Variants in KLK3 observed in about 807,000 individuals in gnomAD.
KLK3 encodes the protein kallikrein related peptidase 3.
A neutral mutation model predicts 27.7 loss-of-function variants in KLK3; 23 were observed. The ratio of observed to expected loss-of-function variants is 0.83; its 90% CI spans 0.60 to 1.17. The LOEUF (loss-of-function observed/expected upper bound fraction) is 1.17. Ranked by LOEUF, KLK3 falls within the 50% of genes most tolerant of loss-of-function variation. The pLI is 0.00. For missense variants in KLK3, 322 were observed against 338.1 expected (o/e 0.95, Z 0.37); for synonymous variants, 142 against 134.2 (o/e 1.06, Z -0.40).
Position 50,860,019 on chromosome 19 carries a change from C to T in KLK3, c.678C>T (p.Ile226=), listed in dbSNP as rs996250309. 7 of 1,614,078 alleles carry T rather than the reference C, an allele frequency of 4.3e-6. No individual in the cohort carries two copies. Among genetic ancestry groups the T allele is most frequent in the Non-Finnish European group, 5.9e-6 (7 of 1,179,960 alleles). The change falls in exon 5 of 5, where the codon ATC becomes ATT. Residue 226 remains isoleucine (I), a synonymous_variant. Transcript: ENST00000326003. ...PLVCNGVLQG[I]TSWGSEPCAL... is the part of the protein sequence containing the mutation. The stretch of plus-strand genomic sequence containing the variant: ...TCTGTAATGGTGTGCTTCAAGGTAT[C>T]ACGTCATGGGGCAGTGAACCATGTG...
At chr19:50,858,734 T>A (rs905581891) in intron 4 of KLK3, 139 bp downstream of exon 4, 4 of 875,656 alleles carry the variant, frequency 4.6e-6, no homozygotes, top group Non-Finnish European at 7.1e-6. Context: ...GTGTCTCATC[T>A]CATTCCCTCC....
At position 50,860,402 on chromosome 19, in the gene KLK3, G is replaced by A; in HGVS notation, c.*275G>A. On this transcript the variant is annotated 3_prime_UTR_variant, in exon 5 of 5. Transcript: ENST00000326003. The stretch of plus-strand genomic sequence containing the variant: ...AGGATGGGGTGTCTGTGTTATTTGT[G>A]GGGTACAGAGATGAAAGAGGGGTGG... The A allele has an allele frequency of 3.0e-6, 1 of 335,620 alleles. No individual in the cohort carries two copies. The highest frequency in any genetic ancestry group is 5.5e-6 in the Non-Finnish European group (1 of 181,806). 20.8% of individuals were successfully genotyped at this position (335,620 alleles called of 1,614,324 possible).
At chr19:50,855,172 C>T (rs770226050) in intron 1 of KLK3, 171 bp downstream of exon 1, 202 of 642,434 alleles carry the variant, frequency 3.1e-4, no homozygotes, top group Admixed American at 3.4e-4. Context: ...CATATTGCAA[C>T]AGTCCTCACT....
Position 50,860,152 on chromosome 19 carries a change from A to G in KLK3, c.*25A>G, listed in dbSNP as rs373134993. Reference sequence around the variant, plus strand: ...AGCACCCCTATCAACCCCCTATTGTAGTAAACTTGGAACCTTGGAAATGAC... The same window carrying G: ...AGCACCCCTATCAACCCCCTATTGTGGTAAACTTGGAACCTTGGAAATGAC... On this transcript the variant is annotated 3_prime_UTR_variant, in exon 5 of 5. Coordinates refer to ENST00000326003, the MANE Select transcript of KLK3 (RefSeq NM_001648.2). 63 of 1,564,068 alleles carry G rather than the reference A, an allele frequency of 4.0e-5. No homozygotes were observed. The highest frequency in any genetic ancestry group is 3.2e-5 in the Non-Finnish European group (36 of 1,137,870).
chr19:50,857,810 T>C, intron 2 of KLK3: 1 of 551,682 alleles, frequency 1.8e-6, no homozygotes, highest in Non-Finnish European at 3.2e-6. Context: ...TCTTCCTTTT[T>C]CCCTTGGTTT....
intron 1 of KLK3, 33 bp downstream of exon 1, chr19:50,855,034 G>C (rs761111846): frequency 2.5e-6 from 4 of 1,610,154 alleles, no homozygotes; most frequent in Non-Finnish European, 3.4e-6. Context: ...GGATGCAGGA[G>C]AGGGAGCCAG....
At chr19:50,859,670 C>T in intron 4 of KLK3, 3 of 1,603,406 alleles carry the variant, frequency 1.9e-6, no homozygotes, top group Non-Finnish European at 2.6e-6. Context: ...GGACAGCATC[C>T]TGCAGATGGT....
In KLK3 at chr19:50,858,286, C is replaced by T; in HGVS notation, c.464C>T (p.Ser155Leu). 1.2e-6 allele frequency: 2 copies of T among 1,613,944 alleles called. No homozygotes were observed. The highest frequency in any genetic ancestry group is 1.7e-6 in the Non-Finnish European group (2 of 1,179,944). Reference protein sequence around the residue: ...EPALGTTCYASGWGSIEPEEF... With the variant: ...EPALGTTCYALGWGSIEPEEF... Reference sequence around the variant, plus strand: ...GCACTGGGGACCACCTGCTACGCCTCAGGCTGGGGCAGCATTGAACCAGAG... The same window carrying T: ...GCACTGGGGACCACCTGCTACGCCTTAGGCTGGGGCAGCATTGAACCAGAG... The change falls in exon 3 of 5, where the codon TCA (serine) becomes TTA (leucine). Residue 155 changes from serine (S) to leucine (L), a missense_variant. Ser to Leu is a moderately radical substitution (Grantham distance 145). Transcript: ENST00000326003.
chr19:50,856,454 A>G, intron 2 of KLK3, 55 bp downstream of exon 2: 3 of 1,578,572 alleles, frequency 1.9e-6, no homozygotes, highest in Non-Finnish European at 2.6e-6. Context: ...GAGGAATAAC[A>G]GCTGGGCATT....
chr19:50,859,833 C>T (rs1045717191), intron 4 of KLK3, 139 bp from the exon 5 acceptor site: 45 of 1,487,526 alleles, frequency 3.0e-5, no homozygotes, highest in East Asian at 9.3e-5. Context: ...TTCTGGAAGT[C>T]GGCTCTGGAG....
chr19:50,855,616 C>T (rs1204926316), intron 1 of KLK3: 1 of 153,290 alleles, frequency 6.5e-6, no homozygotes, highest in African/African-American at 2.4e-5. Context: ...CCAGACTCTT[C>T]ATTCAGTGGC....
At position 50,856,246 on chromosome 19, in the gene KLK3, C is replaced by T. The variant is rs750316227; in HGVS notation, c.53C>T (p.Ala18Val). 6 of 1,611,792 alleles carry T rather than the reference C, an allele frequency of 3.7e-6. No individual in the cohort carries two copies. The highest frequency in any genetic ancestry group is 2.0e-4 in the Middle Eastern group (1 of 4,904). The change falls in exon 2 of 5, where the codon GCA (alanine) becomes GTA (valine). Residue 18 changes from alanine (A) to valine (V), a missense_variant. Ala to Val is a moderately conservative substitution (Grantham distance 64). Transcript: ENST00000326003. ...LTLSVTWIGA[A>V]PLILSRIVGG... ...TCTAGCACCCCCTCTGCAGGTGCTG[C>T]ACCCCTCATCCTGTCTCGGATTGTG...
In KLK3 at chr19:50,858,513, T is replaced by C. The variant is rs1436167600; in HGVS notation, c.548T>C (p.Val183Ala). ...CVDLHVISND[V>A]CAQVHPQKVT... ...GACCTCCATGTTATTTCCAATGACG[T>C]GTGTGCGCAAGTTCACCCTCAGAAG... The change falls in exon 4 of 5, where the codon GTG (valine) becomes GCG (alanine). Residue 183 changes from valine (V) to alanine (A), a missense_variant. Transcript: ENST00000326003. The C allele has an allele frequency of 1.9e-6, 3 of 1,614,078 alleles. No individual in the cohort carries two copies. Among genetic ancestry groups the C allele is most frequent in the East Asian group, 2.2e-5 (1 of 44,900 alleles).
chr19:50,856,470 C>T (rs2090148307), intron 2 of KLK3, 71 bp downstream of exon 2: 1 of 1,554,550 alleles, frequency 6.4e-7, no homozygotes, highest in Non-Finnish European at 8.7e-7. Flanking sequence ...GCATTTTCCC[C>T]AGGATAACCT....
intron 4 of KLK3, chr19:50,859,406 T>G (rs1599995609): frequency 5.7e-6 from 4 of 701,020 alleles, no homozygotes; most frequent in South Asian, 3.3e-5. Context: ...GTGGAGGGAG[T>G]GATGATGGGG....
At position 50,858,151 on chromosome 19, in the gene KLK3, T is replaced by A; in HGVS notation, c.329T>A (p.Phe110Tyr). 1 of 1,614,140 alleles carries A rather than the reference T, an allele frequency of 6.2e-7. No individual in the cohort carries two copies. Among genetic ancestry groups the A allele is most frequent in the Non-Finnish European group, 8.5e-7 (1 of 1,180,004 alleles). The change falls in exon 3 of 5, where the codon TTC (phenylalanine) becomes TAC (tyrosine). Residue 110 changes from phenylalanine (F) to tyrosine (Y), a missense_variant. By Grantham distance (22) the Phe-to-Tyr change is conservative (BLOSUM62 3). Transcript: ENST00000326003. ...GATATGAGCCTCCTGAAGAATCGAT[T>A]CCTCAGGCCAGGTGATGACTCCAGC... is the stretch of plus-strand genomic sequence containing the variant. Reference protein sequence around the residue: ...LYDMSLLKNRFLRPGDDSSHD... With the variant: ...LYDMSLLKNRYLRPGDDSSHD...
intron 4 of KLK3, 163 bp from the exon 5 acceptor site, chr19:50,859,809 C>A (rs574525519): frequency 4.8e-6 from 7 of 1,469,490 alleles, no homozygotes; most frequent in Middle Eastern, 2.5e-4. Flanking sequence ...CTGTTGGAAT[C>A]CCTGCCCACC....
Position 50,860,134 on chromosome 19 carries a change from C to T in KLK3, c.*7C>T, listed in dbSNP as rs2090176067. The T allele has an allele frequency of 6.2e-7, 1 of 1,601,946 alleles. No homozygotes were observed. ...CATCGTGGCCAACCCCTGAGCACCC[C>T]TATCAACCCCCTATTGTAGTAAACT... is the stretch of plus-strand genomic sequence containing the variant. On this transcript the variant is annotated 3_prime_UTR_variant, in exon 5 of 5. Transcript: ENST00000326003.
At chr19:50,856,603 T>C (rs2090149015) in intron 2 of KLK3, 2 of 543,362 alleles carry the variant, frequency 3.7e-6, no homozygotes, top group Admixed American at 3.5e-5. Context: ...TGTTCCTCTA[T>C]GTCTCTTTGT....
Sources: gnomAD v4.1 joint callset for allele counts on GRCh38, gnomAD v4.1.1 for gene constraint, MANE v1.5 for transcripts, NCBI Gene and HGNC (gene_info 2026-07-23, HGNC 2026-07-21) for gene names.